Variants in CCDC152 observed in about 807,000 individuals in gnomAD.
CCDC152 encodes the protein coiled-coil domain containing 152.
A neutral mutation model predicts 38.1 loss-of-function variants in CCDC152; 37 were observed. The observed-to-expected ratio is 0.97, with a 90% CI of 0.75 to 1.28. The LOEUF is 1.28. Among genes scored for constraint, CCDC152 ranks in the 50% most tolerant of loss-of-function variants. The pLI is 0.00. For synonymous variants in CCDC152, 83 were observed against 87.1 expected (o/e 0.95, Z 0.26); for missense variants, 259 against 292.1 (o/e 0.89, Z 0.83).
chr5:42,784,383 T>C (rs1381771913), intron 6 of CCDC152, among the ~76,000 whole-genome samples: 1 of 152,238 alleles, frequency 6.6e-6, no homozygotes, highest in East Asian at 1.9e-4. Context: ...TTTTTTCATA[T>C]GCTTGTCAGC....
chr5:42,785,816 T>G (rs1257918458), intron 6 of CCDC152, among the ~76,000 whole-genome samples: 1 of 151,966 alleles, frequency 6.6e-6, no homozygotes, highest in Non-Finnish European at 1.5e-5. Flanking sequence ...TGCCTATTTT[T>G]TAGGGTTTTT....
intron 3 of CCDC152, among the ~76,000 whole-genome samples, chr5:42,767,161 G>A (rs1185039752): frequency 6.6e-6 from 1 of 151,926 alleles, no homozygotes; most frequent in Non-Finnish European, 1.5e-5. Context: ...ACAACTTATG[G>A]AGCCAAGTGT....
At chr5:42,788,298 CAT>C (rs1759950009) in intron 6 of CCDC152, among the ~76,000 whole-genome samples, 2 of 149,974 alleles carry the variant, frequency 1.3e-5, no homozygotes, top group African/African-American at 4.9e-5. Context: ...AGAAGTCTGC[CAT>C]ATAATCATTA....
At chr5:42,767,844 A>G (rs1759646399) in intron 3 of CCDC152, among the ~76,000 whole-genome samples, 1 of 152,250 alleles carries the variant, frequency 6.6e-6, no homozygotes, top group South Asian at 2.1e-4. Flanking sequence ...AAGACAAGTG[A>G]TGGCAGAGTC....
chr5:42,791,735 G>A (rs535569773), intron 6 of CCDC152, among the ~76,000 whole-genome samples: 1 of 152,196 alleles, frequency 6.6e-6, no homozygotes, highest in South Asian at 2.1e-4. Flanking sequence ...CCATCTCCTA[G>A]GGCCCTTGCT....
intron 4 of CCDC152, among the ~76,000 whole-genome samples, chr5:42,772,257 T>C (rs188705693): frequency 1.3e-5 from 2 of 152,208 alleles, no homozygotes; most frequent in East Asian, 1.9e-4. Context: ...GAAATAGGCA[T>C]AGATAGAGAA....
At chr5:42,759,751 A>G (rs1182470041) in intron 2 of CCDC152, among the ~76,000 whole-genome samples, 2 of 152,190 alleles carry the variant, frequency 1.3e-5, no homozygotes, top group Admixed American at 6.5e-5. Flanking sequence ...GGGTGAGTAC[A>G]GTACAATAAG....
intron 6 of CCDC152, among the ~76,000 whole-genome samples, chr5:42,784,892 T>C (rs1759898657): frequency 6.6e-6 from 1 of 152,140 alleles, no homozygotes; most frequent in African/African-American, 2.4e-5. Context: ...TTTTGTAGAA[T>C]TTTTGAACAT....
chr5:42,771,251 T>C (rs1428112540), intron 4 of CCDC152, among the ~76,000 whole-genome samples: 2 of 152,008 alleles, frequency 1.3e-5, no homozygotes, highest in African/African-American at 4.8e-5. Context: ...CCAAAACCTA[T>C]AGGATACAGC....
intron 6 of CCDC152, among the ~76,000 whole-genome samples, chr5:42,788,793 T>C (rs1476191619): frequency 6.6e-6 from 1 of 152,256 alleles, no homozygotes; most frequent in East Asian, 1.9e-4. Flanking sequence ...TTTGCCTTTA[T>C]TGTTTGTGCT....
At chr5:42,783,327 T>G in intron 5 of CCDC152, 147 bp from the exon 6 acceptor site, 40 of 242,836 alleles carry the variant, frequency 1.6e-4, no homozygotes. Flanking sequence ...ATATTACATT[T>G]ATAGTAACTT....
At chr5:42,792,993 T>A (rs1375906328) in intron 6 of CCDC152, among the ~76,000 whole-genome samples, 1 of 152,210 alleles carries the variant, frequency 6.6e-6, no homozygotes, top group Non-Finnish European at 1.5e-5. Context: ...CCCAAAGACC[T>A]GTTTGTGAAT....
intron 3 of CCDC152, among the ~76,000 whole-genome samples, chr5:42,768,168 GAA>G (rs1421269365): frequency 6.6e-6 from 1 of 152,170 alleles, no homozygotes; most frequent in African/African-American, 2.4e-5. Context: ...ATTAAAAGGT[GAA>G]AAGTTTTGAA....
chr5:42,762,096 C>T (rs995662158), intron 2 of CCDC152, among the ~76,000 whole-genome samples: 4 of 152,148 alleles, frequency 2.6e-5, no homozygotes, highest in African/African-American at 9.7e-5. Flanking sequence ...TCCTAGGCTA[C>T]AAACCTGGAC....
chr5:42,773,954 A>G (rs1759733346), intron 4 of CCDC152, among the ~76,000 whole-genome samples: 1 of 152,228 alleles, frequency 6.6e-6, no homozygotes, highest in South Asian at 2.1e-4. Context: ...TTCTAACTTT[A>G]ATGAAAATCC....
intron 1 of CCDC152, 42 bp from the exon 2 acceptor site, chr5:42,759,078 T>C: frequency 7.6e-7 from 1 of 1,314,942 alleles, no homozygotes; most frequent in South Asian, 1.4e-5. Flanking sequence ...GCTTTAGATC[T>C]TATTTATTTA....
intron 3 of CCDC152, 67 bp downstream of exon 3, chr5:42,762,615 A>G (rs749747358): frequency 5.1e-6 from 4 of 789,260 alleles, no homozygotes; most frequent in Non-Finnish European, 8.5e-6. Flanking sequence ...ACAGTGATTA[A>G]TATTACACCA....
intron 6 of CCDC152, among the ~76,000 whole-genome samples, chr5:42,788,411 T>C (rs1759952246): frequency 6.6e-6 from 1 of 151,818 alleles, no homozygotes; most frequent in South Asian, 2.1e-4. Flanking sequence ...CAGGCTAACA[T>C]AGTAGACTTC....
At chr5:42,783,613 T>A (rs1271924551) in intron 6 of CCDC152, 37 bp downstream of exon 6, 3 of 1,071,810 alleles carry the variant, frequency 2.8e-6, no homozygotes, top group Admixed American at 3.7e-5. Flanking sequence ...TGTTATTGAT[T>A]CAACAGATAT....
Sources: allele counts gnomAD v4.1 joint callset (sites outside exome capture counted in the v4.1 genomes callset), GRCh38; gene constraint gnomAD v4.1.1; transcripts MANE v1.5; gene names NCBI Gene and HGNC (gene_info 2026-07-23, HGNC 2026-07-21).